Variants in MICAL3 observed in about 807,000 individuals in gnomAD.
MICAL3 encodes the protein microtubule associated monooxygenase, calponin and LIM domain containing 3.
MICAL3 carries 62 observed loss-of-function variants against 207.4 expected under a neutral mutation model. The ratio of observed to expected loss-of-function variants is 0.30; its 90% CI spans 0.24 to 0.37. The LOEUF is 0.37. Ranked by LOEUF, MICAL3 falls within the 10% of genes least tolerant of loss-of-function variation. The probability of loss-of-function intolerance (pLI) is 1.00; values close to 1 mark genes in which losing one functional copy is unlikely to be tolerated. For missense variants in MICAL3, 2,368 were observed against 2,635.6 expected (o/e 0.90, Z 2.22); for synonymous variants, 1,077 against 1,069.3 (o/e 1.01, Z -0.14).
At chr22:17,846,782 G>A (rs1277823119) in intron 19 of MICAL3, among the ~76,000 whole-genome samples, 4 of 152,164 alleles carry the variant, frequency 2.6e-5, no homozygotes, top group Non-Finnish European at 5.9e-5. Flanking sequence ...AATTTCCAAG[G>A]CCAAGTCTTC....
At chr22:17,810,680 G>T (rs747508077) in intron 28 of MICAL3, 23 bp downstream of exon 28, 14 of 1,587,556 alleles carry the variant, frequency 8.8e-6, no homozygotes, top group Non-Finnish European at 1.2e-5. Flanking sequence ...CATGTGCCCT[G>T]GTCCCATCCT....
At chr22:17,909,272 C>A (rs1339060835) in intron 1 of MICAL3, among the ~76,000 whole-genome samples, 6 of 152,132 alleles carry the variant, frequency 3.9e-5, no homozygotes, top group African/African-American at 1.2e-4. Flanking sequence ...GCCTGTAATC[C>A]CAGCACTTTG....
chr22:17,890,820 T>C (rs57008753), intron 12 of MICAL3, among the ~76,000 whole-genome samples: 1,698 of 152,272 alleles, frequency 0.011, 30 homozygotes, highest in African/African-American at 0.039. Flanking sequence ...TGGTAACAAA[T>C]GCCGATGGGG....
At chr22:18,024,088 T>G (rs191212136) in intron 1 of MICAL3, among the ~76,000 whole-genome samples, 193 bp downstream of exon 1, 32 of 152,286 alleles carry the variant, frequency 2.1e-4, no homozygotes, top group African/African-American at 7.5e-4. Flanking sequence ...ATACTGGGTG[T>G]CTTTCCCACT....
At chr22:18,002,686 C>T (rs1330816237) in intron 1 of MICAL3, among the ~76,000 whole-genome samples, 1 of 152,004 alleles carries the variant, frequency 6.6e-6, no homozygotes, top group African/African-American at 2.4e-5. Flanking sequence ...TCTTGTATGA[C>T]CTTGAGCAGG....
At chr22:17,904,867 G>A (rs754131061) in intron 2 of MICAL3, 28 bp from the exon 3 acceptor site, 16 of 1,525,644 alleles carry the variant, frequency 1.0e-5, no homozygotes, top group Admixed American at 1.7e-5. Flanking sequence ...TTTCAGGGCA[G>A]GCGGCACTTC....
At chr22:17,860,039 C>A in intron 19 of MICAL3, 1 of 275,842 alleles carries the variant, frequency 3.6e-6, no homozygotes, top group Non-Finnish European at 5.5e-6. Flanking sequence ...TGCTGACCCC[C>A]CGGAGTGGGA....
rs1252699126 is a variant in MICAL3, at chr22:17,904,783, T to C, written c.321A>G (p.Leu107=). ...CGLRTAIDLS[L]LGAKVVVIEK... ...CAATAACAACCACCTTGGCCCCCAG[T>C]AAGGATAAGTCGATGGCTGTACGGA... The change falls in exon 3 of 32, where the codon TTA becomes TTG. Residue 107 remains leucine (L), a synonymous_variant. Coordinates refer to ENST00000441493, the MANE Select transcript of MICAL3 (RefSeq NM_015241.3). 1.9e-6 allele frequency: 3 copies of C among 1,613,960 alleles called. No individual in the cohort carries two copies. The highest frequency in any genetic ancestry group is 2.7e-5 in the African/African-American group (2 of 75,016).
At chr22:17,851,300 T>TC (rs879616235) in intron 19 of MICAL3, among the ~76,000 whole-genome samples, 1 of 152,016 alleles carries the variant, frequency 6.6e-6, no homozygotes, top group Non-Finnish European at 1.5e-5. Flanking sequence ...AAGGATGGCT[T>TC]CCCCCCTACT....
chr22:17,854,384 T>A (rs1175298244), intron 19 of MICAL3, among the ~76,000 whole-genome samples: 1 of 152,070 alleles, frequency 6.6e-6, no homozygotes, highest in African/African-American at 2.4e-5. Flanking sequence ...TTATTTCTAA[T>A]CTCTTACCAA....
chr22:18,005,209 A>G (rs1923310058), intron 1 of MICAL3: 1 of 152,228 alleles, frequency 6.6e-6, no homozygotes. Context: ...TGCTGGGGTT[A>G]CAGGCGTGAG....
chr22:17,891,211 T>C (rs574404593), intron 12 of MICAL3, among the ~76,000 whole-genome samples: 5 of 152,244 alleles, frequency 3.3e-5, no homozygotes, highest in East Asian at 3.9e-4. Flanking sequence ...AAACCAGTTT[T>C]TGACTTATGA....
At chr22:17,978,150 A>G (rs1193445689) in intron 1 of MICAL3, among the ~76,000 whole-genome samples, 3 of 152,256 alleles carry the variant, frequency 2.0e-5, no homozygotes, top group Non-Finnish European at 4.4e-5. Flanking sequence ...AATGCCTATC[A>G]ACTACTGAAT....
At chr22:17,864,408 A>G in intron 19 of MICAL3, 1 of 1,376,038 alleles carries the variant, frequency 7.3e-7, no homozygotes, top group African/African-American at 1.5e-5. Context: ...TCTTAAGTGA[A>G]GGTGAACCCA....
At chr22:17,917,923 T>C (rs576044074) in intron 1 of MICAL3, among the ~76,000 whole-genome samples, 4 of 152,368 alleles carry the variant, frequency 2.6e-5, no homozygotes, top group Admixed American at 6.5e-5. Flanking sequence ...AGCCCAGCTA[T>C]GAGAAGGGAG....
intron 17 of MICAL3, among the ~76,000 whole-genome samples, chr22:17,867,472 TG>T (rs1256642711): frequency 1.3e-5 from 2 of 152,362 alleles, no homozygotes; most frequent in Non-Finnish European, 2.9e-5. Context: ...TATGAGTGCT[TG>T]GATCATGCGC....
At chr22:17,893,974 A>G (rs767350658) in intron 10 of MICAL3, 70 bp from the exon 11 acceptor site, 8 of 1,157,804 alleles carry the variant, frequency 6.9e-6, no homozygotes, top group Non-Finnish European at 8.8e-6. Context: ...ACCTAAGAGC[A>G]GAATGGCTGA....
rs968853036 is a variant in MICAL3 at position 17,882,804 on chromosome 22, A to G, written c.2241+3074T>C. Among the ~76,000 whole-genome samples the G allele has an allele frequency of 9.8e-5, 15 of 152,316 alleles. No individual in the cohort carries two copies. The East Asian group carries it at 2.9e-3, about 29-fold the overall frequency. The stretch of plus-strand genomic sequence containing the variant: ...GCTACTGTCTCCAACTGTAATCTCC[A>G]GTGCCCATCCCACAGAACCTGCGTT... On this transcript the variant is annotated intron_variant, in intron 16 of 31. Transcript: ENST00000441493.
intron 1 of MICAL3, among the ~76,000 whole-genome samples, chr22:17,911,910 C>T (rs1040756183): frequency 1.1e-5 from 1 of 89,890 alleles, no homozygotes; most frequent in African/African-American, 1.3e-4. Context: ...CCCAAATCGC[C>T]AACATGCCTC....
Sources: allele counts gnomAD v4.1 joint callset (sites outside exome capture counted in the v4.1 genomes callset), GRCh38; gene constraint gnomAD v4.1.1; transcripts MANE v1.5; gene names NCBI Gene and HGNC (gene_info 2026-07-23, HGNC 2026-07-21).